PCDHA2: variants seen among roughly 807,000 people sequenced by gnomAD.
PCDHA2 encodes the protein protocadherin alpha 2.
A neutral mutation model predicts 66.0 loss-of-function variants in PCDHA2; 58 were observed. The observed-to-expected ratio is 0.88, with a 90% CI of 0.71 to 1.09. PCDHA2 has a LOEUF of 1.09. Ranked by LOEUF, PCDHA2 falls within the 50% of genes least tolerant of loss-of-function variation. The pLI, the probability that PCDHA2 is intolerant of heterozygous loss-of-function variation, is 0.00. For synonymous variants in PCDHA2, 634 were observed against 554.0 expected, an observed-to-expected ratio of 1.14 and a Z score of -2.03; for missense variants, 1,267 against 1,242.3, an observed-to-expected ratio of 1.02 and a Z score of -0.30.
chr5:140,909,411 CATTTGG>C (rs2074480921), intron 1 of PCDHA2, among the ~76,000 whole-genome samples: 2 of 152,142 alleles, frequency 1.3e-5, no homozygotes, highest in African/African-American at 4.8e-5. Flanking sequence ...TTGCAGTTAC[CATTTGG>C]TTAAACTTAT....
chr5:140,809,498 G>A (rs1764483648), intron 1 of PCDHA2: 11 of 1,614,236 alleles, frequency 6.8e-6, no homozygotes, highest in Non-Finnish European at 8.5e-6. Context: ...CGACCTCATG[G>A]CCTTCAGCCC....
intron 2 of PCDHA2, 58 bp from the exon 3 acceptor site, chr5:140,982,417 G>T: frequency 1.2e-6 from 2 of 1,610,546 alleles, no homozygotes; most frequent in Non-Finnish European, 1.7e-6. Flanking sequence ...GAGGGTGGAA[G>T]AAGAGATGGG....
intron 1 of PCDHA2, among the ~76,000 whole-genome samples, chr5:140,923,038 T>C (rs529637754): frequency 1.2e-4 from 19 of 152,316 alleles, no homozygotes; most frequent in Admixed American, 1.0e-3. Context: ...TTACTACATG[T>C]ATAGTATTTA....
intron 1 of PCDHA2, chr5:140,966,707 A>G (rs539562297): frequency 7.2e-7 from 1 of 1,379,868 alleles, no homozygotes; most frequent in Admixed American, 3.5e-5. Context: ...GGCGTGGGGC[A>G]CGGCTGGGGA....
intron 1 of PCDHA2, chr5:140,841,287 A>C: frequency 1.3e-6 from 2 of 1,554,152 alleles, no homozygotes; most frequent in Non-Finnish European, 1.7e-6. Flanking sequence ...CTTTATATTA[A>C]GATAATATTT....
chr5:140,964,305 A>T (rs1163722863), intron 1 of PCDHA2, among the ~76,000 whole-genome samples: 1 of 152,246 alleles, frequency 6.6e-6, no homozygotes, highest in African/African-American at 2.4e-5. Flanking sequence ...AATACCTACA[A>T]GGCCTAAAAC....
intron 3 of PCDHA2, among the ~76,000 whole-genome samples, chr5:140,985,288 A>G (rs1007960248): frequency 1.3e-5 from 2 of 152,112 alleles, no homozygotes; most frequent in African/African-American, 4.8e-5. Flanking sequence ...AATCTATGAT[A>G]TAGTGTTGGC....
chr5:140,884,241 C>G lies in PCDHA2; in HGVS notation c.2388+86889C>G, dbSNP rs782355331. 3.7e-6 allele frequency: 6 copies of G among 1,613,408 alleles called. No homozygotes were observed. The South Asian group carries it at 4.4e-5, about 12-fold the overall frequency. ...CTGGTGAAGGACCACGGTGAGCCCG[C>G]GCTGACGGCCACGGCAACGGTGCTG... On this transcript the variant is annotated intron_variant, in intron 1 of 3. Coordinates refer to ENST00000526136, the MANE Select transcript of PCDHA2 (RefSeq NM_018905.3).
At chr5:141,002,757 A>G (rs1234528731) in intron 3 of PCDHA2, among the ~76,000 whole-genome samples, 1 of 152,224 alleles carries the variant, frequency 6.6e-6, no homozygotes, top group African/African-American at 2.4e-5. Context: ...CAACCCTGTG[A>G]TGTAGACAGG....
chr5:140,796,285 G>C lies in PCDHA2; in HGVS notation c.1321G>C (p.Val441Leu). The change falls in exon 1 of 4, where the codon GTG (valine) becomes CTG (leucine). Residue 441 changes from valine to leucine, a missense_variant. Val to Leu is a conservative substitution (Grantham distance 32, BLOSUM62 1). Coordinates refer to ENST00000526136, the MANE Select transcript of PCDHA2 (RefSeq NM_018905.3). ...GCCTTCACTGTGGGCCACCACCAGC[G>C]TGTCCATCGAGGTGGCCGACGTGAA... ...GSPSLWATTSVSIEVADVNDN... is the reference protein window; with the variant it reads ...GSPSLWATTSLSIEVADVNDN... 2 of 1,614,136 alleles carry C rather than the reference G, an allele frequency of 1.2e-6. No individual in the cohort carries two copies. The highest frequency in any genetic ancestry group is 1.7e-6 in the Non-Finnish European group (2 of 1,180,046).
chr5:140,952,471 A>AAAGT (rs1205705150), intron 1 of PCDHA2, among the ~76,000 whole-genome samples: 2 of 152,204 alleles, frequency 1.3e-5, no homozygotes, highest in Non-Finnish European at 2.9e-5. Context: ...AAGCATAAGG[A>AAAGT]AAGTGACATT....
intron 3 of PCDHA2, among the ~76,000 whole-genome samples, chr5:140,995,110 C>T (rs1047046754): frequency 4.6e-5 from 7 of 152,198 alleles, no homozygotes; most frequent in Non-Finnish European, 7.3e-5. Flanking sequence ...TTCCAAGACC[C>T]TCAGTGGATG....
intron 3 of PCDHA2, among the ~76,000 whole-genome samples, chr5:141,000,391 C>CTA (rs2097912428): frequency 7.9e-4 from 45 of 56,656 alleles, no homozygotes; most frequent in East Asian, 1.2e-3. Flanking sequence ...CTCTCTCTCT[C>CTA]TCTCTATATA....
chr5:140,903,768 T>C (rs1211667697), intron 1 of PCDHA2, among the ~76,000 whole-genome samples: 1 of 152,212 alleles, frequency 6.6e-6, no homozygotes, highest in Non-Finnish European at 1.5e-5. Flanking sequence ...TGCTGAACTT[T>C]TCTATCCATA....
intron 1 of PCDHA2, chr5:140,863,746 C>T (rs902419131): frequency 8.2e-6 from 2 of 244,508 alleles, no homozygotes; most frequent in Non-Finnish European, 1.6e-5. Context: ...TATTTGTAAT[C>T]CCGGCACTTT....
At chr5:140,842,950 G>A (rs2150348605) in intron 1 of PCDHA2, 1 of 1,594,728 alleles carries the variant, frequency 6.3e-7, no homozygotes, top group East Asian at 2.2e-5. Context: ...CGGGCGTGCC[G>A]CCTCTGGGCA....
intron 1 of PCDHA2, among the ~76,000 whole-genome samples, chr5:140,887,315 C>G (rs1239122037): frequency 1.3e-5 from 2 of 152,116 alleles, no homozygotes; most frequent in Non-Finnish European, 2.9e-5. Flanking sequence ...CCAGGATAGT[C>G]TCGAACTCCT....
intron 1 of PCDHA2, chr5:140,928,905 G>T: frequency 6.2e-7 from 1 of 1,614,138 alleles, no homozygotes; most frequent in South Asian, 1.1e-5. Flanking sequence ...AAGATGTCTG[G>T]GAACCAGGAG....
intron 1 of PCDHA2, chr5:140,878,010 A>G: frequency 2.4e-6 from 2 of 839,980 alleles, no homozygotes; most frequent in Non-Finnish European, 3.4e-6. Flanking sequence ...GTCTAACATT[A>G]ATGAAGGAAA....
Sources: gnomAD v4.1 joint callset for allele counts (sites outside exome capture counted in the v4.1 genomes callset) on GRCh38, gnomAD v4.1.1 for gene constraint, MANE v1.5 for transcripts, NCBI Gene and HGNC (gene_info 2026-07-23, HGNC 2026-07-21) for gene names.